The following SNTG2 variants were observed in gnomAD, a reference collection of about 807,000 sequenced individuals.
SNTG2 encodes the protein gamma-2-syntrophin.
Under a neutral mutation model 70.9 loss-of-function variants are expected in SNTG2, and 74 were observed. That is an observed-to-expected ratio of 1.04 (90% CI 0.86 to 1.27). SNTG2 has a LOEUF of 1.27. Ranked by LOEUF, SNTG2 falls within the 50% of genes most tolerant of loss-of-function variation. The pLI is 0.00. For missense variants in SNTG2, 717 were observed against 690.7 expected, an observed-to-expected ratio of 1.04 and a Z score of -0.43; for synonymous variants, 278 against 273.8, an observed-to-expected ratio of 1.02 and a Z score of -0.15.
intron 1 of SNTG2, among the ~76,000 whole-genome samples, chr2:1,047,179 G>T (rs1661787579): frequency 6.6e-6 from 1 of 152,124 alleles, no homozygotes; most frequent in Non-Finnish European, 1.5e-5. Flanking sequence ...TTCTTGTAGT[G>T]AGTTTTTCAG....
chr2:1,039,652 G>A (rs777233844), intron 1 of SNTG2, among the ~76,000 whole-genome samples: 23 of 152,094 alleles, frequency 1.5e-4, no homozygotes, highest in Admixed American at 9.8e-4. Context: ...CATGACTGGC[G>A]TTTGGCTCTC....
At chr2:963,829 T>C (rs1395734865) in intron 1 of SNTG2, among the ~76,000 whole-genome samples, 1 of 152,218 alleles carries the variant, frequency 6.6e-6, no homozygotes, top group Non-Finnish European at 1.5e-5. Context: ...ATAAATCCTT[T>C]GGAGGGTGTC....
intron 1 of SNTG2, among the ~76,000 whole-genome samples, chr2:984,632 C>G (rs1661245363): frequency 6.6e-6 from 1 of 152,222 alleles, no homozygotes. Context: ...AGCTGTGGCC[C>G]TGCCGTCCTG....
intron 13 of SNTG2, among the ~76,000 whole-genome samples, chr2:1,261,259 A>T (rs1476868276): frequency 6.6e-6 from 1 of 152,228 alleles, no homozygotes; most frequent in Non-Finnish European, 1.5e-5. Context: ...GCATACATAA[A>T]TTTAAAAGTA....
At chr2:971,951 A>G (rs1346048928) in intron 1 of SNTG2, among the ~76,000 whole-genome samples, 1 of 151,838 alleles carries the variant, frequency 6.6e-6, no homozygotes, top group Non-Finnish European at 1.5e-5. Flanking sequence ...TTTAATTTCC[A>G]TGTATAGTTT....
intron 1 of SNTG2, among the ~76,000 whole-genome samples, chr2:1,032,061 A>G (rs1288420782): frequency 6.6e-6 from 1 of 152,226 alleles, no homozygotes; most frequent in Non-Finnish European, 1.5e-5. Flanking sequence ...TAATTATTAA[A>G]TAAAAGTAGC....
chr2:1,313,445 G>A (rs1203874628), intron 15 of SNTG2, among the ~76,000 whole-genome samples: 1 of 152,230 alleles, frequency 6.6e-6, no homozygotes, highest in Non-Finnish European at 1.5e-5. Flanking sequence ...CTCTGGAGCT[G>A]TGAGTGGAGC....
intron 8 of SNTG2, among the ~76,000 whole-genome samples, chr2:1,192,831 T>C (rs2147944163): frequency 6.6e-6 from 1 of 152,340 alleles, no homozygotes; most frequent in Non-Finnish European, 1.5e-5. Flanking sequence ...GGTTTTGTGA[T>C]GATAAAATGT....
At chr2:1,195,375 C>T (rs2147951078) in intron 8 of SNTG2, among the ~76,000 whole-genome samples, 1 of 152,308 alleles carries the variant, frequency 6.6e-6, no homozygotes, top group African/African-American at 2.4e-5. Context: ...TCTCCACATC[C>T]TCTCCAGCAT....
chr2:1,339,080 T>C (rs1216290527), intron 16 of SNTG2, among the ~76,000 whole-genome samples: 6 of 152,202 alleles, frequency 3.9e-5, no homozygotes, highest in African/African-American at 7.2e-5. Context: ...TGGTATCTCA[T>C]TTTGAGGGTT....
chr2:1,274,687 G>C (rs187855985), intron 14 of SNTG2, among the ~76,000 whole-genome samples: 2 of 152,182 alleles, frequency 1.3e-5, no homozygotes, highest in Non-Finnish European at 2.9e-5. Context: ...TTCTGCCCTC[G>C]ATCAGGACGT....
At chr2:1,018,773 A>T (rs980754556) in intron 1 of SNTG2, among the ~76,000 whole-genome samples, 10 of 152,206 alleles carry the variant, frequency 6.6e-5, no homozygotes, top group Non-Finnish European at 1.0e-4. Flanking sequence ...AGATTGCGTG[A>T]TTTTTTTGTA....
intron 1 of SNTG2, among the ~76,000 whole-genome samples, chr2:1,064,890 C>G (rs1367268031): frequency 6.6e-6 from 1 of 152,060 alleles, no homozygotes; most frequent in Non-Finnish European, 1.5e-5. Context: ...ATGACAAGAC[C>G]CAACTTTATG....
chr2:1,239,279 G>A (rs1369605896), intron 10 of SNTG2, among the ~76,000 whole-genome samples: 8 of 152,152 alleles, frequency 5.3e-5, no homozygotes, highest in Admixed American at 1.3e-4. Flanking sequence ...TGTGGGCTGT[G>A]GGAACATTAT....
chr2:1,193,319 T>G lies in SNTG2; in HGVS notation c.592-15784T>G, dbSNP rs529877141. 2.3e-3 allele frequency among the ~76,000 whole-genome samples: 346 copies of G among 152,276 alleles called. 2 individuals carry two copies. Among genetic ancestry groups the G allele is most frequent in the Middle Eastern group, 3.4e-3 (1 of 294 alleles). ...AACTGGGGAGGCTCTCGGCACAATT[T>G]GGGAAAGCCCTCCCTCCTAGAGGCT... On this transcript the variant is annotated intron_variant, in intron 8 of 16. Coordinates refer to ENST00000308624, the MANE Select transcript of SNTG2 (RefSeq NM_018968.4).
chr2:1,154,501 C>T (rs1669726076), intron 6 of SNTG2, among the ~76,000 whole-genome samples: 1 of 152,108 alleles, frequency 6.6e-6, no homozygotes, highest in South Asian at 2.1e-4. Flanking sequence ...GGTGAAGGAG[C>T]AAGTGTGACA....
chr2:1,283,807 A>G (rs1281919878), intron 14 of SNTG2, among the ~76,000 whole-genome samples: 1 of 152,154 alleles, frequency 6.6e-6, no homozygotes, highest in Non-Finnish European at 1.5e-5. Context: ...CTTTTCCTGA[A>G]TTAAAGCGAG....
chr2:1,131,090 G>A (rs1361831818), intron 4 of SNTG2, among the ~76,000 whole-genome samples: 1 of 152,188 alleles, frequency 6.6e-6, no homozygotes, highest in African/African-American at 2.4e-5. Context: ...ACTGTAAAGT[G>A]TCCTGCTAAT....
intron 6 of SNTG2, among the ~76,000 whole-genome samples, chr2:1,140,680 G>A (rs57694894): frequency 0.35 from 53,341 of 152,282 alleles, 10,568 homozygotes; most frequent in Middle Eastern, 0.48. Context: ...ATATCTCAGC[G>A]CAAGAAGCTT....
Sources: gnomAD v4.1 joint callset for allele counts (sites outside exome capture counted in the v4.1 genomes callset) on GRCh38, gnomAD v4.1.1 for gene constraint, MANE v1.5 for transcripts, NCBI Gene and HGNC (gene_info 2026-07-23, HGNC 2026-07-21) for gene names.